Variants in SIK3 observed in about 807,000 individuals in gnomAD.
SIK3 encodes serine/threonine-protein kinase SIK3.
SIK3 carries 28 observed loss-of-function variants against 144.2 expected under a neutral mutation model. The observed-to-expected ratio is 0.19, with a 90% CI of 0.14 to 0.27. SIK3 has a LOEUF of 0.27. Among genes scored for constraint, SIK3 ranks in the 10% least tolerant of loss-of-function variants. SIK3 has a pLI of 1.00. For synonymous variants in SIK3, 686 were observed against 676.3 expected (o/e 1.01, Z -0.22); for missense variants, 1,319 against 1,776.0 (o/e 0.74, Z 4.62).
chr11:116,873,484 T>C lies in SIK3; in HGVS notation c.1734A>G (p.Thr578=). Reference sequence around the variant, plus strand: ...TGGGCTCTGTGCTGCTACTCACTGGTGTCATGGTGACAAGCGGAGAGGGTC... The same window carrying C: ...TGGGCTCTGTGCTGCTACTCACTGGCGTCATGGTGACAAGCGGAGAGGGTC... ...PRGPSPLVTM[T]PAVPAVTPVD... Residue 578 remains threonine (T), a synonymous_variant, in exon 13 of 25, where the codon ACA becomes ACG. Coordinates refer to ENST00000445177, the MANE Select transcript of SIK3 (RefSeq NM_001366686.3). The C allele has an allele frequency of 6.2e-7, 1 of 1,614,142 alleles. No homozygotes were observed. The highest frequency in any genetic ancestry group is 8.5e-7 in the Non-Finnish European group (1 of 1,179,996).
chr11:116,984,050 CAAAAAAAAAA>C (rs35403684), intron 1 of SIK3, among the ~76,000 whole-genome samples: 2 of 80,896 alleles, frequency 2.5e-5, no homozygotes, highest in Admixed American at 2.6e-4. Flanking sequence ...GACCCTGACT[CAAAAAAAAAA>C]AAAAAAAAAA....
At position 116,876,281 on chromosome 11, in the gene SIK3, A is replaced by G; in HGVS notation, c.1067T>C (p.Met356Thr). 1 of 1,614,210 alleles carries G rather than the reference A, an allele frequency of 6.2e-7. No homozygotes were observed. The highest frequency in any genetic ancestry group is 8.5e-7 in the Non-Finnish European group (1 of 1,180,010). Residue 356 changes from methionine to threonine, a missense_variant, in exon 8 of 25, where the codon ATG (methionine) becomes ACG (threonine). Transcript: ENST00000445177. Reference sequence around the variant, plus strand: ...CAGTGTCTGTTCTTTGTCCAGTCCCATGTCCTCCATGGCCAAGAGGACATC... The same window carrying G: ...CAGTGTCTGTTCTTTGTCCAGTCCCGTGTCCTCCATGGCCAAGAGGACATC... Reference protein sequence around the residue: ...NEDVLLAMEDMGLDKEQTLQS... With the variant: ...NEDVLLAMEDTGLDKEQTLQS...
chr11:117,098,302 G>C lies in SIK3; in HGVS notation c.114C>G (p.Pro38=), dbSNP rs1383637442. The part of the protein sequence containing the change: ...PPPAPGSPAA[P]AAVSPAAGQP... ...GGCCGGCCGCAGGGGACACGGCAGCGGGGGCGGCTGGGGACCCCGGCGCGG... is the reference window on the plus strand; with the variant it reads ...GGCCGGCCGCAGGGGACACGGCAGCCGGGGCGGCTGGGGACCCCGGCGCGG... The change falls in exon 1 of 25, where the codon CCC becomes CCG. Residue 38 remains proline, a synonymous_variant. Transcript: ENST00000445177. 1 of 1,177,808 alleles carries C rather than the reference G, an allele frequency of 8.5e-7. No homozygotes were observed. Among genetic ancestry groups the C allele is most frequent in the Non-Finnish European group, 1.0e-6 (1 of 955,382 alleles). The allele number at this position is 1,177,808 out of a possible 1,614,324, so 73.0% of individuals were successfully genotyped here.
chr11:117,048,243 T>C (rs780307749), intron 1 of SIK3, among the ~76,000 whole-genome samples: 3 of 152,190 alleles, frequency 2.0e-5, no homozygotes, highest in African/African-American at 7.2e-5. Flanking sequence ...ATGCAAATAA[T>C]GGCAAAAATA....
At chr11:116,988,317 C>T (rs1235753994) in intron 1 of SIK3, among the ~76,000 whole-genome samples, 4 of 151,608 alleles carry the variant, frequency 2.6e-5, no homozygotes, top group African/African-American at 9.7e-5. Flanking sequence ...ACCCGGGAGG[C>T]GGAGCTTGCA....
intron 1 of SIK3, among the ~76,000 whole-genome samples, chr11:117,043,553 C>T (rs780539794): frequency 3.9e-5 from 6 of 152,112 alleles, no homozygotes; most frequent in Non-Finnish European, 8.8e-5. Flanking sequence ...ATAGGAGTTT[C>T]CAAAAAATGC....
intron 1 of SIK3, among the ~76,000 whole-genome samples, chr11:117,058,843 C>T (rs771126273): frequency 3.9e-5 from 6 of 152,102 alleles, no homozygotes; most frequent in African/African-American, 1.2e-4. Flanking sequence ...GGCCCTAGAG[C>T]GGGAACACAG....
intron 19 of SIK3, among the ~76,000 whole-genome samples, chr11:116,860,330 A>C (rs1591395394): frequency 6.6e-6 from 1 of 151,958 alleles, no homozygotes; most frequent in East Asian, 1.9e-4. Flanking sequence ...GGGGGACCCC[A>C]CTTTAAGTAG....
intron 1 of SIK3, among the ~76,000 whole-genome samples, chr11:117,066,021 T>C (rs1953994610): frequency 6.6e-6 from 1 of 152,114 alleles, no homozygotes; most frequent in African/African-American, 2.4e-5. Flanking sequence ...TGGTGTCTTA[T>C]GCCAAGGAAT....
intron 1 of SIK3, among the ~76,000 whole-genome samples, chr11:116,962,686 G>A (rs1283885621): frequency 6.6e-6 from 1 of 152,062 alleles, no homozygotes; most frequent in African/African-American, 2.4e-5. Context: ...TCTGTACAGT[G>A]TAATACAGTA....
intron 3 of SIK3, among the ~76,000 whole-genome samples, chr11:116,940,771 C>G (rs116597701): frequency 0.072 from 10,765 of 148,732 alleles, 481 homozygotes; most frequent in Middle Eastern, 0.11. Flanking sequence ...TCCACTTGCA[C>G]ACTCCTGGTG....
intron 2 of SIK3, among the ~76,000 whole-genome samples, chr11:116,955,716 A>G (rs1312203432): frequency 6.6e-6 from 1 of 152,212 alleles, no homozygotes; most frequent in African/African-American, 2.4e-5. Flanking sequence ...GCTCACAGAT[A>G]TAGGTCTTCA....
intron 1 of SIK3, among the ~76,000 whole-genome samples, chr11:117,058,471 G>A (rs1052415496): frequency 7.1e-6 from 1 of 140,892 alleles, no homozygotes; most frequent in East Asian, 2.1e-4. Context: ...AGTGAGCCGA[G>A]ATCACACCAC....
rs576337022 is a variant in SIK3 at position 116,857,329 on chromosome 11, T to C, written c.3655+481A>G. On this transcript the variant is annotated intron_variant, in intron 21 of 24. Coordinates refer to ENST00000445177, the MANE Select transcript of SIK3 (RefSeq NM_001366686.3). ...CACAGATACACCGTAAGATACTCCATTGTTCCTCCAACACCTTCTTCACAG... is the reference window on the plus strand; with the variant it reads ...CACAGATACACCGTAAGATACTCCACTGTTCCTCCAACACCTTCTTCACAG... The C allele has an allele frequency of 1.2e-4, 20 of 173,132 alleles. No homozygotes were observed. The South Asian group carries it at 2.5e-3, about 22-fold the overall frequency. 10.7% of individuals were successfully genotyped at this position (173,132 alleles called of 1,614,324 possible). A position where few individuals can be genotyped will look rare whatever the true frequency, so the allele number is the denominator to read the frequency against.
intron 1 of SIK3, among the ~76,000 whole-genome samples, chr11:116,966,318 C>A (rs1194230991): frequency 2.0e-5 from 3 of 152,146 alleles, no homozygotes; most frequent in African/African-American, 4.8e-5. Flanking sequence ...TCATTTGAGT[C>A]CAAGAGCTCA....
In SIK3 at chr11:116,894,987, T is replaced by C. The variant is rs1160215354; in HGVS notation, c.865+1266A>G. Among the ~76,000 whole-genome samples the C allele has an allele frequency of 3.3e-5, 5 of 152,228 alleles. No homozygotes were observed. In the South Asian group the frequency reaches 8.3e-4, roughly 25 times the overall value. ...AAAATTTTTCAATTTTTTTGTATGT[T>C]TGAAATTTTTCATCATAAAATTTGG... On this transcript the variant is annotated intron_variant, in intron 6 of 24. Coordinates refer to ENST00000445177, the MANE Select transcript of SIK3 (RefSeq NM_001366686.3).
intron 4 of SIK3, among the ~76,000 whole-genome samples, chr11:116,926,550 C>G (rs1332663721): frequency 6.6e-6 from 1 of 152,198 alleles, no homozygotes; most frequent in African/African-American, 2.4e-5. Flanking sequence ...TCAGCAGTGA[C>G]ATAAATCAAC....
Position 116,862,487 on chromosome 11 carries a change from T to A in SIK3, c.2104-160A>T, listed in dbSNP as rs77317805. 0.025 allele frequency among the ~76,000 whole-genome samples: 3,880 copies of A among 152,308 alleles called. 167 individuals carry two copies. Among genetic ancestry groups the A allele is most frequent in the African/African-American group, 0.085 (3,540 of 41,548 alleles). ...TTAACTCATTTACCTAAGTATCTGG[T>A]GCACTAAATAGATTCACATCCTGTT... On this transcript the variant is annotated intron_variant, in intron 16 of 24. Coordinates refer to ENST00000445177, the MANE Select transcript of SIK3 (RefSeq NM_001366686.3).
Position 116,846,467 on chromosome 11 carries a change from A to T in SIK3, c.4039T>A (p.Cys1347Ser). The T allele has an allele frequency of 1.2e-6, 2 of 1,614,226 alleles. No individual in the cohort carries two copies. Among genetic ancestry groups the T allele is most frequent in the Non-Finnish European group, 1.7e-6 (2 of 1,180,042 alleles). ...TAGCTGAGCAGAATGTCTGTAATAC[A>T]CGTAGATGGATAGCAAGAGGAGTTT... ...HLNSSCYPST[C>S]ITDILLSYKH... The change falls in exon 24 of 25, where the codon TGT (cysteine) becomes AGT (serine). Residue 1347 changes from cysteine (C) to serine (S), a missense_variant. Cys to Ser is a moderately radical substitution (Grantham distance 112). This residue lies in a region of SIK3 where 646 missense variants were observed against 763.7 expected (regional missense o/e 0.85). Transcript: ENST00000445177. This position sits in a 1 kb window ranked among gnomAD's most constrained non-coding sequence, Gnocchi z 4.1.
Sources: gnomAD v4.1 joint callset for allele counts (sites outside exome capture counted in the v4.1 genomes callset) on GRCh38, gnomAD v4.1.1 for gene constraint, gnomAD v4.1.1 regional missense constraint, Gnocchi (gnomAD v3.1) non-coding constraint, MANE v1.5 for transcripts, NCBI Gene and HGNC (gene_info 2026-07-23, HGNC 2026-07-21) for gene names.